The following KCNG2 variants were observed in gnomAD, a reference collection of about 807,000 sequenced individuals.
The protein encoded by KCNG2 is voltage-gated potassium channel regulatory subunit KCNG2.
Under a neutral mutation model 12.3 loss-of-function variants are expected in KCNG2, and 7 were observed. The ratio of observed to expected loss-of-function variants is 0.57; its 90% CI spans 0.32 to 1.07. The LOEUF (loss-of-function observed/expected upper bound fraction) is 1.07, where lower values mean the gene tolerates loss of function less well. Among genes scored for constraint, KCNG2 ranks in the 50% least tolerant of loss-of-function variants. The pLI is 0.04. For missense variants in KCNG2, 703 were observed against 726.0 expected, an observed-to-expected ratio of 0.97 and a Z score of 0.36; for synonymous variants, 414 against 351.4, an observed-to-expected ratio of 1.18 and a Z score of -1.99.
At chr18:79,817,799 G>A (rs549874159) in intron 1 of KCNG2, among the ~76,000 whole-genome samples, 5 of 152,300 alleles carry the variant, frequency 3.3e-5, no homozygotes, top group East Asian at 1.9e-4. Context: ...TGGGCCCCAC[G>A]TCGCCTTCCC....
In KCNG2 at chr18:79,863,864, G is replaced by A; in HGVS notation, c.197G>A (p.Arg66His). Residue 66 changes from arginine (R) to histidine (H), a missense_variant, in exon 3 of 4, where the codon CGC becomes CAC. Transcript: ENST00000316249. ...LRVCDDYDVS[R>H]DEFFFDRSPC... ...GTGTGTGACGACTACGACGTGAGCC[G>A]CGACGAGTTCTTCTTCGACCGCAGC... 6.8e-7 allele frequency: 1 copy of A among 1,470,492 alleles called. No individual in the cohort carries two copies. The highest frequency in any genetic ancestry group is 9.0e-7 in the Non-Finnish European group (1 of 1,108,216). 91.1% of individuals were successfully genotyped at this position (1,470,492 alleles called of 1,614,324 possible). A position where few individuals can be genotyped will look rare whatever the true frequency, so the allele number is the denominator to read the frequency against.
intron 3 of KCNG2, among the ~76,000 whole-genome samples, chr18:79,867,254 A>G (rs1345640994): frequency 1.3e-5 from 2 of 150,382 alleles, no homozygotes; most frequent in African/African-American, 4.9e-5. Flanking sequence ...CCCCTGTCTT[A>G]GACTTCCTGC....
chr18:79,864,022 T>G lies in KCNG2; in HGVS notation c.355T>G (p.Cys119Gly), dbSNP rs1023227122. ...GIDEARLERC[C>G]LRRLRRREEE... ...CGACGAGGCGCGCCTGGAGCGCTGC[T>G]GCCTGCGCCGCCTGCGCCGCCGCGA... The change falls in exon 3 of 4, where the codon TGC becomes GGC. Residue 119 changes from cysteine to glycine, a missense_variant. Transcript: ENST00000316249. 2.0e-5 allele frequency: 23 copies of G among 1,160,394 alleles called. No individual in the cohort carries two copies. The highest frequency in any genetic ancestry group is 1.5e-5 in the Non-Finnish European group (14 of 941,936). 71.9% of individuals were successfully genotyped at this position (1,160,394 alleles called of 1,614,324 possible). A position where few individuals can be genotyped will look rare whatever the true frequency, so the allele number is the denominator to read the frequency against.
At chr18:79,802,419 C>A (rs963695606) in intron 1 of KCNG2, among the ~76,000 whole-genome samples, 2 of 151,478 alleles carry the variant, frequency 1.3e-5, no homozygotes, top group Admixed American at 6.6e-5. Flanking sequence ...GAGAGCCTGG[C>A]CTTGACACCT....
At chr18:79,877,016 C>T (rs56245036) in intron 3 of KCNG2, among the ~76,000 whole-genome samples, 3,235 of 152,314 alleles carry the variant, frequency 0.021, 48 homozygotes, top group Middle Eastern at 0.034. Flanking sequence ...ACGTCTGCTT[C>T]GGTGCAGATA....
intron 1 of KCNG2, among the ~76,000 whole-genome samples, chr18:79,831,565 A>G (rs1356411141): frequency 1.5e-5 from 2 of 137,492 alleles, no homozygotes; most frequent in African/African-American, 5.2e-5. Flanking sequence ...CCCTGCGTAC[A>G]GAGCCTTCGT....
intron 1 of KCNG2, among the ~76,000 whole-genome samples, chr18:79,801,531 G>C (rs1025082416): frequency 3.3e-5 from 5 of 152,272 alleles, no homozygotes; most frequent in Non-Finnish European, 7.3e-5. Context: ...CTCCGAGGCA[G>C]TTCCCAGAGT....
intron 1 of KCNG2, among the ~76,000 whole-genome samples, chr18:79,806,699 T>G (rs2087452352): frequency 6.6e-6 from 1 of 152,232 alleles, no homozygotes; most frequent in African/African-American, 2.4e-5. Context: ...TTTGATTTAC[T>G]GATGAATTGG....
At chr18:79,806,308 C>T (rs543629757) in intron 1 of KCNG2, among the ~76,000 whole-genome samples, 9 of 151,580 alleles carry the variant, frequency 5.9e-5, no homozygotes, top group East Asian at 5.8e-4. Context: ...TGTCGGGGGT[C>T]GGGGCATGGG....
intron 1 of KCNG2, among the ~76,000 whole-genome samples, chr18:79,804,260 C>T (rs1490402890): frequency 6.6e-6 from 1 of 152,236 alleles, no homozygotes; most frequent in Non-Finnish European, 1.5e-5. Flanking sequence ...GGCCGGAAGG[C>T]ACCAGCCACA....
chr18:79,870,473 C>T (rs1009018860), intron 3 of KCNG2, among the ~76,000 whole-genome samples: 8 of 151,972 alleles, frequency 5.3e-5, no homozygotes, highest in African/African-American at 1.7e-4. Context: ...AGTTTCCGTG[C>T]CCCCAGAGCT....
chr18:79,836,106 G>A (rs539849236), intron 1 of KCNG2, among the ~76,000 whole-genome samples: 7 of 152,298 alleles, frequency 4.6e-5, no homozygotes, highest in African/African-American at 1.7e-4. Context: ...TTAAAAGCAT[G>A]ACCCAATGAT....
At chr18:79,842,759 T>G (rs1276327031) in intron 1 of KCNG2, among the ~76,000 whole-genome samples, 4 of 152,186 alleles carry the variant, frequency 2.6e-5, no homozygotes, top group Non-Finnish European at 5.9e-5. Context: ...TAGACTCAAT[T>G]AAGCAGAAGA....
At position 79,863,634 on chromosome 18, in the gene KCNG2, G is replaced by C; in HGVS notation, c.-34G>C. ...CGGTCCGTTCCTTTTGCAGGAGCCGGGCAGGAGCCCCTCGGTCCGGTCCGG... is the reference window on the plus strand; with the variant it reads ...CGGTCCGTTCCTTTTGCAGGAGCCGCGCAGGAGCCCCTCGGTCCGGTCCGG... On this transcript the variant is annotated 5_prime_UTR_variant, in exon 3 of 4. Coordinates refer to ENST00000316249, the MANE Select transcript of KCNG2 (RefSeq NM_012283.2). The C allele has an allele frequency of 8.3e-7, 1 of 1,206,396 alleles. No homozygotes were observed. Among genetic ancestry groups the C allele is most frequent in the East Asian group, 3.6e-5 (1 of 27,982 alleles). The allele number at this position is 1,206,396 out of a possible 1,614,324, so 74.7% of individuals were successfully genotyped here.
At chr18:79,844,886 G>C (rs937266736) in intron 1 of KCNG2, among the ~76,000 whole-genome samples, 1 of 152,208 alleles carries the variant, frequency 6.6e-6, no homozygotes, top group Non-Finnish European at 1.5e-5. Context: ...CAGTAAGGGG[G>C]AAAAGGATAA....
intron 1 of KCNG2, among the ~76,000 whole-genome samples, chr18:79,850,709 G>A (rs1385415995): frequency 1.3e-5 from 2 of 152,220 alleles, no homozygotes; most frequent in Non-Finnish European, 2.9e-5. Flanking sequence ...TTCACAGTAA[G>A]ACAATCTGAA....
At chr18:79,846,363 A>C (rs1296059370) in intron 1 of KCNG2, among the ~76,000 whole-genome samples, 2 of 128,768 alleles carry the variant, frequency 1.6e-5, no homozygotes, top group Non-Finnish European at 3.2e-5. Flanking sequence ...CAACAGAGCG[A>C]GACTCCGTCT....
rs142957211 is a variant in KCNG2, at chr18:79,889,641, T to C, written c.625-9399T>C. Among the ~76,000 whole-genome samples the C allele has an allele frequency of 1.7e-3, 258 of 152,368 alleles. 1 individual carries two copies. Among genetic ancestry groups the C allele is most frequent in the African/African-American group, 5.9e-3 (245 of 41,588 alleles). Reference sequence around the variant, plus strand: ...TGAATGGACGTTTTTAGTGGATTCCTAAGGATTTTCTATATACGAGGTCCT... The same window carrying C: ...TGAATGGACGTTTTTAGTGGATTCCCAAGGATTTTCTATATACGAGGTCCT... On this transcript the variant is annotated intron_variant, in intron 3 of 3. Transcript: ENST00000316249.
At chr18:79,854,671 G>A (rs1049222823) in intron 1 of KCNG2, among the ~76,000 whole-genome samples, 1 of 152,004 alleles carries the variant, frequency 6.6e-6, no homozygotes, top group Non-Finnish European at 1.5e-5. Flanking sequence ...GACTACAGGT[G>A]CCCACCACCA....
Sources: gnomAD v4.1 joint callset for allele counts (sites outside exome capture counted in the v4.1 genomes callset) on GRCh38, gnomAD v4.1.1 for gene constraint, MANE v1.5 for transcripts, NCBI Gene and HGNC (gene_info 2026-07-23, HGNC 2026-07-21) for gene names.